CACNA2D3: variants seen among roughly 807,000 people sequenced by gnomAD.
CACNA2D3 encodes calcium voltage-gated channel auxiliary subunit alpha2delta 3, also known as voltage-dependent calcium channel subunit alpha-2/delta-3.
In CACNA2D3, 60 loss-of-function variants were observed where a neutral mutation model predicts 160.6. The ratio of observed to expected loss-of-function variants is 0.37; its 90% CI spans 0.30 to 0.46. The LOEUF (loss-of-function observed/expected upper bound fraction) is 0.46, where lower values mean the gene tolerates loss of function less well. Ranked by LOEUF, CACNA2D3 falls within the 20% of genes least tolerant of loss-of-function variation. CACNA2D3 has a pLI of 1.00. For synonymous variants in CACNA2D3, 558 were observed against 492.9 expected (o/e 1.13, Z -1.75); for missense variants, 1,205 against 1,365.0 (o/e 0.88, Z 1.85).
intron 4 of CACNA2D3, among the ~76,000 whole-genome samples, chr3:54,430,408 T>G (rs925179830): frequency 6.6e-6 from 1 of 152,252 alleles, no homozygotes; most frequent in African/African-American, 2.4e-5. Flanking sequence ...GAATTCTCTA[T>G]GCGGATATTA....
intron 3 of CACNA2D3, among the ~76,000 whole-genome samples, chr3:54,333,538 G>A (rs1704313472): frequency 6.6e-6 from 1 of 151,848 alleles, no homozygotes; most frequent in African/African-American, 2.4e-5. Flanking sequence ...CTCCTTTGTT[G>A]CCTGTTCCTC....
At chr3:54,952,602 G>T (rs1383810120) in intron 27 of CACNA2D3, among the ~76,000 whole-genome samples, 1 of 152,184 alleles carries the variant, frequency 6.6e-6, no homozygotes, top group Admixed American at 6.5e-5. Flanking sequence ...GTAATTTTAG[G>T]TGAGTCCCTT....
At position 54,938,707 on chromosome 3, in the gene CACNA2D3, A is replaced by G. The variant is rs541778661; in HGVS notation, c.2450-29743A>G. On this transcript the variant is annotated intron_variant, in intron 27 of 37. Coordinates refer to ENST00000474759, the MANE Select transcript of CACNA2D3 (RefSeq NM_018398.3). Reference sequence around the variant, plus strand: ...TGGTAATTTTTCTACAGTGATAAAAATAAATTTTTATTTTTAAAAACGTCT... The same window carrying G: ...TGGTAATTTTTCTACAGTGATAAAAGTAAATTTTTATTTTTAAAAACGTCT... Among the ~76,000 whole-genome samples the G allele has an allele frequency of 2.0e-5, 3 of 152,196 alleles. No homozygotes were observed. The East Asian group carries it at 5.8e-4, about 30-fold the overall frequency.
chr3:54,831,423 T>C (rs2106746195), intron 14 of CACNA2D3, among the ~76,000 whole-genome samples: 1 of 152,326 alleles, frequency 6.6e-6, no homozygotes, highest in African/African-American at 2.4e-5. Flanking sequence ...TGAATAGAGT[T>C]ATGAAGAAGG....
At chr3:54,713,037 G>A (rs900924453) in intron 11 of CACNA2D3, among the ~76,000 whole-genome samples, 2 of 152,224 alleles carry the variant, frequency 1.3e-5, no homozygotes, top group African/African-American at 4.8e-5. Flanking sequence ...TCATAGGAAT[G>A]TTGTGATGAT....
At chr3:54,277,169 G>A (rs944706580) in intron 2 of CACNA2D3, among the ~76,000 whole-genome samples, 2 of 152,232 alleles carry the variant, frequency 1.3e-5, no homozygotes, top group Admixed American at 1.3e-4. Context: ...TCACATGAAC[G>A]TCTGCCCTTT....
chr3:54,488,017 A>T (rs993523591), intron 4 of CACNA2D3, among the ~76,000 whole-genome samples: 5 of 152,240 alleles, frequency 3.3e-5, no homozygotes, highest in African/African-American at 1.2e-4. Flanking sequence ...ATTTGTGCTA[A>T]GACCTGAAGC....
intron 2 of CACNA2D3, among the ~76,000 whole-genome samples, chr3:54,171,158 T>TTTTTTTTTA (rs1553743546): frequency 2.1e-5 from 3 of 140,678 alleles, no homozygotes; most frequent in Non-Finnish European, 3.0e-5. Context: ...TTTTTTTTTT[T>TTTTTTTTTA]AGGAATAGCT....
intron 4 of CACNA2D3, among the ~76,000 whole-genome samples, chr3:54,469,558 C>G (rs112885303): frequency 0.058 from 8,803 of 151,974 alleles, 893 homozygotes; most frequent in African/African-American, 0.2. Context: ...AGCAAGGGAA[C>G]AAAACTGGAT....
chr3:54,715,811 TA>T (rs1307128733), intron 11 of CACNA2D3, among the ~76,000 whole-genome samples: 1 of 152,196 alleles, frequency 6.6e-6, no homozygotes, highest in Non-Finnish European at 1.5e-5. Context: ...ACAACATGGA[TA>T]AACTTGGAGG....
chr3:54,228,888 C>T (rs902566957), intron 2 of CACNA2D3, among the ~76,000 whole-genome samples: 21 of 152,228 alleles, frequency 1.4e-4, no homozygotes, highest in African/African-American at 5.1e-4. Context: ...ATGAGCAGCT[C>T]ACATTTGTTT....
chr3:55,000,059 G>T (rs908492031), intron 31 of CACNA2D3, among the ~76,000 whole-genome samples: 5 of 152,120 alleles, frequency 3.3e-5, no homozygotes, highest in Admixed American at 3.3e-4. Context: ...ATGTCATGGG[G>T]ATTAAGGCAT....
At chr3:54,773,881 C>A (rs1702367921) in intron 13 of CACNA2D3, among the ~76,000 whole-genome samples, 3 of 152,130 alleles carry the variant, frequency 2.0e-5, no homozygotes, top group Admixed American at 2.0e-4. Context: ...TGACTGTCAA[C>A]TAGTAGAAAA....
At chr3:55,015,523 G>A (rs1703310187) in intron 34 of CACNA2D3, among the ~76,000 whole-genome samples, 1 of 152,092 alleles carries the variant, frequency 6.6e-6, no homozygotes, top group African/African-American at 2.4e-5. Context: ...GCATGCTTGT[G>A]CCGCATCCAC....
chr3:54,899,960 C>A (rs1700288714), intron 27 of CACNA2D3, 92 bp downstream of exon 27: 2 of 889,944 alleles, frequency 2.2e-6, no homozygotes, highest in Non-Finnish European at 3.5e-6. Flanking sequence ...GCTTATCCTC[C>A]AAAAAGGTTT....
chr3:54,176,545 G>A (rs933802860), intron 2 of CACNA2D3, among the ~76,000 whole-genome samples: 3 of 152,188 alleles, frequency 2.0e-5, no homozygotes, highest in African/African-American at 7.2e-5. Flanking sequence ...GGAAACAAGT[G>A]GTATGCACAC....
chr3:54,139,330 C>T (rs1699876226), intron 2 of CACNA2D3, among the ~76,000 whole-genome samples: 1 of 152,266 alleles, frequency 6.6e-6, no homozygotes, highest in Non-Finnish European at 1.5e-5. Flanking sequence ...GCTGCTGTCC[C>T]CACCTCGGGG....
intron 11 of CACNA2D3, among the ~76,000 whole-genome samples, chr3:54,732,901 T>A (rs949425395): frequency 6.6e-5 from 10 of 152,194 alleles, no homozygotes; most frequent in African/African-American, 2.4e-4. Context: ...AATTAACAAA[T>A]CTAAAATCTA....
intron 3 of CACNA2D3, among the ~76,000 whole-genome samples, chr3:54,364,980 A>C (rs7609855): frequency 0.014 from 2,064 of 152,342 alleles, 48 homozygotes; most frequent in African/African-American, 0.047. Flanking sequence ...GATTGAAGAC[A>C]AATTTTATGC....
Sources: gnomAD v4.1 joint callset for allele counts (sites outside exome capture counted in the v4.1 genomes callset) on GRCh38, gnomAD v4.1.1 for gene constraint, MANE v1.5 for transcripts, NCBI Gene and HGNC (gene_info 2026-07-23, HGNC 2026-07-21) for gene names.